SPAG17: variants seen among roughly 807,000 people sequenced by gnomAD.
SPAG17 encodes sperm associated antigen 17.
Under a neutral mutation model 273.6 loss-of-function variants are expected in SPAG17, and 169 were observed. The ratio of observed to expected loss-of-function variants is 0.62; its 90% CI spans 0.55 to 0.70. SPAG17 has a LOEUF of 0.70. Ranked by LOEUF, SPAG17 falls within the 30% of genes least tolerant of loss-of-function variation. The pLI, the probability that SPAG17 is intolerant of heterozygous loss-of-function variation, is 0.00. For missense variants in SPAG17, 2,557 were observed against 2,627.8 expected (o/e 0.97, Z 0.59); for synonymous variants, 825 against 873.2 (o/e 0.94, Z 0.97).
intron 1 of SPAG17, among the ~76,000 whole-genome samples, chr1:118,161,065 AGTATGACTAAAT>A (rs1659885873): frequency 1.3e-5 from 2 of 152,270 alleles, no homozygotes; most frequent in East Asian, 3.8e-4. Flanking sequence ...TTATTACATT[AGTATGACTAAAT>A]GTATATGATG....
At chr1:118,044,396 A>C (rs527289736) in intron 20 of SPAG17, among the ~76,000 whole-genome samples, 2 of 152,130 alleles carry the variant, frequency 1.3e-5, no homozygotes, top group East Asian at 3.9e-4. Context: ...GAGGCAGGAG[A>C]ATCACTTGAA....
At chr1:117,995,588 T>C (rs897034120) in intron 34 of SPAG17, among the ~76,000 whole-genome samples, 21 of 151,970 alleles carry the variant, frequency 1.4e-4, no homozygotes, top group Admixed American at 1.2e-3. Context: ...TGTATTAATG[T>C]CATGCACATG....
Position 118,025,403 on chromosome 1 carries a change from T to C in SPAG17, c.3744A>G (p.Ile1248Met), listed in dbSNP as rs764000311. ...IGQESTGQYV[I>M]DEEPTWDIMV... ...TGATGTCCCAGGTGGGTTCCTCATCTATAACATATTGACCTAAAAAAAGAA... is the reference window on the plus strand; with the variant it reads ...TGATGTCCCAGGTGGGTTCCTCATCCATAACATATTGACCTAAAAAAAGAA... Residue 1248 changes from isoleucine to methionine, a missense_variant, in exon 27 of 49, where the codon ATA becomes ATG. Physicochemically the swap from Ile to Met is conservative, Grantham distance 10 (BLOSUM62 1). Coordinates refer to ENST00000336338, the MANE Select transcript of SPAG17 (RefSeq NM_206996.4). The C allele has an allele frequency of 1.5e-5, 24 of 1,568,866 alleles. No individual in the cohort carries two copies. Among genetic ancestry groups the C allele is most frequent in the Non-Finnish European group, 8.6e-7 (1 of 1,161,130 alleles).
chr1:118,093,430 A>G, intron 7 of SPAG17, 113 bp from the exon 8 acceptor site: 2 of 1,055,546 alleles, frequency 1.9e-6, no homozygotes, highest in Non-Finnish European at 1.3e-6. Flanking sequence ...AGGAAAGCAA[A>G]CCCCTAAATC....
At chr1:118,005,957 C>T (rs1355226307) in intron 31 of SPAG17, among the ~76,000 whole-genome samples, 2 of 152,084 alleles carry the variant, frequency 1.3e-5, no homozygotes, top group Non-Finnish European at 1.5e-5. Flanking sequence ...TGGGGTTGCT[C>T]ATGATCTTGG....
intron 18 of SPAG17, among the ~76,000 whole-genome samples, chr1:118,062,092 G>A (rs1345355504): frequency 6.6e-6 from 1 of 151,722 alleles, no homozygotes; most frequent in Non-Finnish European, 1.5e-5. Flanking sequence ...AAAAGGCCGG[G>A]TGCGGTGGCT....
intron 3 of SPAG17, among the ~76,000 whole-genome samples, chr1:118,145,431 A>G (rs1339319911): frequency 6.6e-6 from 1 of 152,206 alleles, no homozygotes; most frequent in Non-Finnish European, 1.5e-5. Context: ...ACAGAAGTCA[A>G]AAAATGGAAC....
intron 1 of SPAG17, among the ~76,000 whole-genome samples, chr1:118,158,928 A>T (rs1227399100): frequency 6.6e-6 from 1 of 152,234 alleles, no homozygotes; most frequent in Admixed American, 6.5e-5. Context: ...AGGCTCCCCT[A>T]GAATTATACC....
intron 48 of SPAG17, chr1:117,961,612 G>A (rs1302496762): frequency 6.6e-6 from 1 of 152,130 alleles, no homozygotes; most frequent in Non-Finnish European, 1.5e-5. Context: ...TTACTGTGTT[G>A]TGGGGCCACC....
At chr1:118,161,194 AT>A (rs963190079) in intron 1 of SPAG17, among the ~76,000 whole-genome samples, 3 of 152,206 alleles carry the variant, frequency 2.0e-5, no homozygotes, top group Non-Finnish European at 2.9e-5. Context: ...TGTAAAGGCT[AT>A]TTAACATCAG....
chr1:117,991,840 T>C (rs1657121340), intron 36 of SPAG17, among the ~76,000 whole-genome samples: 1 of 152,184 alleles, frequency 6.6e-6, no homozygotes, highest in Non-Finnish European at 1.5e-5. Flanking sequence ...GGTTAGATGA[T>C]GTGTAGGATC....
chr1:117,971,083 T>C (rs1654501071), intron 45 of SPAG17, among the ~76,000 whole-genome samples: 1 of 152,064 alleles, frequency 6.6e-6, no homozygotes, highest in African/African-American at 2.4e-5. Context: ...CAATCATCAA[T>C]CCAGAATCAC....
intron 43 of SPAG17, among the ~76,000 whole-genome samples, chr1:117,978,987 C>T (rs913389070): frequency 1.3e-5 from 2 of 152,032 alleles, no homozygotes; most frequent in African/African-American, 4.8e-5. Context: ...CCTGCCTCAG[C>T]CTCCTGAGTA....
Position 117,974,038 on chromosome 1 carries a change from G to A in SPAG17, c.6005-477C>T, listed in dbSNP as rs1160583230. ...CTACATAGTATTTCATGGTGTACACGTACTACATTTTAAAAATCCAATCCA... is the reference window on the plus strand; with the variant it reads ...CTACATAGTATTTCATGGTGTACACATACTACATTTTAAAAATCCAATCCA... On this transcript the variant is annotated intron_variant, in intron 43 of 48. Coordinates refer to ENST00000336338, the MANE Select transcript of SPAG17 (RefSeq NM_206996.4). Among the ~76,000 whole-genome samples, 5 of 152,234 alleles carry A rather than the reference G, an allele frequency of 3.3e-5. No individual in the cohort carries two copies. The South Asian group carries it at 8.3e-4, about 25-fold the overall frequency.
At chr1:117,970,259 A>C in intron 45 of SPAG17, 143 bp from the exon 46 acceptor site, 1 of 684,310 alleles carries the variant, frequency 1.5e-6, no homozygotes, top group Non-Finnish European at 2.3e-6. Flanking sequence ...AAACAACTTT[A>C]ATATTCAATT....
chr1:118,055,924 C>A lies in SPAG17; in HGVS notation c.2541-10G>T, dbSNP rs112991195. On this transcript the variant is annotated splice_polypyrimidine_tract_variant and intron_variant, in intron 18 of 48. Transcript: ENST00000336338. ...AAGTTCCAAATAATTCCTAAACAAA[C>A]CAATAGCAGACGTCAATTGAGTTAC... The A allele has an allele frequency of 6.7e-5, 107 of 1,593,886 alleles. No homozygotes were observed. The African/African-American group carries it at 1.1e-3, about 17-fold the overall frequency.
At chr1:118,171,595 T>C (rs1280558794) in intron 1 of SPAG17, among the ~76,000 whole-genome samples, 1 of 152,144 alleles carries the variant, frequency 6.6e-6, no homozygotes, top group Non-Finnish European at 1.5e-5. Flanking sequence ...AAGGATGAAG[T>C]CCGATGTTGC....
chr1:118,097,728 A>C lies in SPAG17; in HGVS notation c.953T>G (p.Leu318Arg), dbSNP rs1655805827. 6.2e-7 allele frequency: 1 copy of C among 1,610,770 alleles called. No homozygotes were observed. The highest frequency in any genetic ancestry group is 1.3e-5 in the African/African-American group (1 of 74,758). The change falls in exon 7 of 49, where the codon CTT (leucine) becomes CGT (arginine). Residue 318 changes from leucine to arginine, a missense_variant. Coordinates refer to ENST00000336338, the MANE Select transcript of SPAG17 (RefSeq NM_206996.4). The part of the protein sequence containing the change: ...PETNLFDVAR[L>R]EYMVKAADFP... ...ATCAGCTGCTTTGACCATGTACTCA[A>C]GTCGAGCAACATCAAAGAGATTTGT...
chr1:118,103,380 T>C (rs1656191778), intron 4 of SPAG17, among the ~76,000 whole-genome samples: 2 of 152,188 alleles, frequency 1.3e-5, no homozygotes, highest in South Asian at 4.1e-4. Context: ...GATGCTGGTA[T>C]TCATCTATTC....
Sources: gnomAD v4.1 joint callset for allele counts (sites outside exome capture counted in the v4.1 genomes callset) on GRCh38, gnomAD v4.1.1 for gene constraint, MANE v1.5 for transcripts, NCBI Gene and HGNC (gene_info 2026-07-23, HGNC 2026-07-21) for gene names.